The following CD9 variants were observed in gnomAD, a reference collection of about 807,000 sequenced individuals.
The protein encoded by CD9 is CD9 antigen.
CD9 carries 10 observed loss-of-function variants against 31.4 expected under a neutral mutation model. That is an observed-to-expected ratio of 0.32 (90% CI 0.20 to 0.54). CD9 has a LOEUF of 0.54. Ranked by LOEUF, CD9 falls within the 20% of genes least tolerant of loss-of-function variation. The probability of loss-of-function intolerance (pLI) is 0.94; values close to 1 mark genes in which losing one functional copy is unlikely to be tolerated. For missense variants in CD9, 259 were observed against 300.1 expected, an observed-to-expected ratio of 0.86 and a Z score of 1.01; for synonymous variants, 113 against 114.1, an observed-to-expected ratio of 0.99 and a Z score of 0.06.
At position 6,235,525 on chromosome 12, in the gene CD9, T is replaced by A. The variant is rs1946508193; in HGVS notation, c.497T>A (p.Ile166Asn). ...AGGVEQFISDICPKKDVLETF... is the reference protein window; with the variant it reads ...AGGVEQFISDNCPKKDVLETF... ...GGCGTGGAACAGTTTATCTCAGACA[T>A]CTGCCCCAAGAAGGACGTACTCGAA... is the stretch of plus-strand genomic sequence containing the variant. Residue 166 changes from isoleucine (I) to asparagine (N), a missense_variant, in exon 6 of 8, where the codon ATC becomes AAC. Transcript: ENST00000009180. 1 of 1,613,846 alleles carries A rather than the reference T, an allele frequency of 6.2e-7. No homozygotes were observed.
intron 6 of CD9, 99 bp from the exon 7 acceptor site, chr12:6,236,093 C>A: frequency 6.4e-7 from 1 of 1,552,288 alleles, no homozygotes; most frequent in Non-Finnish European, 8.7e-7. Context: ...CCACCCTCTG[C>A]CCACCAGTTC....
intron 4 of CD9, among the ~76,000 whole-genome samples, chr12:6,233,943 A>G (rs1369836728): frequency 6.7e-6 from 1 of 149,060 alleles, no homozygotes; most frequent in Middle Eastern, 3.4e-3. Context: ...TGTTTGAACT[A>G]TGGGCCCCAC....
rs986211405 is a variant in CD9, at chr12:6,232,167, C to T, written c.176-465C>T. On this transcript the variant is annotated intron_variant, in intron 2 of 7. Coordinates refer to ENST00000009180, the MANE Select transcript of CD9 (RefSeq NM_001769.4). This position sits in a 1 kb window ranked among gnomAD's most constrained non-coding sequence, Gnocchi z 4.8. The stretch of plus-strand genomic sequence containing the variant: ...GGGTAGGGGGGTGCCTAGGTGTGCA[C>T]GGCCCCTTCCTGCTGGAAATCTGCT... The T allele has an allele frequency of 8.2e-5, 16 of 193,992 alleles. No homozygotes were observed. Among genetic ancestry groups the T allele is most frequent in the African/African-American group, 3.1e-4 (13 of 41,822 alleles). The allele number at this position is 193,992 out of a possible 1,614,324, so 12.0% of individuals were successfully genotyped here. A position where few individuals can be genotyped will look rare whatever the true frequency, so the allele number is the denominator to read the frequency against.
At chr12:6,236,379 C>T in intron 7 of CD9, 104 bp downstream of exon 7, 4 of 997,302 alleles carry the variant, frequency 4.0e-6, no homozygotes, top group Non-Finnish European at 6.2e-6. Flanking sequence ...TGTCAACTCA[C>T]TTTGTCCTCG....
intron 1 of CD9, chr12:6,200,819 G>A: frequency 2.3e-6 from 1 of 426,270 alleles, no homozygotes; most frequent in African/African-American, 2.1e-5. Flanking sequence ...GCCCTCTTGA[G>A]ATGAGGCGTG....
intron 1 of CD9, among the ~76,000 whole-genome samples, chr12:6,211,092 T>G (rs896549613): frequency 6.6e-6 from 1 of 152,148 alleles, no homozygotes; most frequent in African/African-American, 2.4e-5. Context: ...CGCCTTGGCC[T>G]CCCAAAGTGC....
At chr12:6,218,616 G>A (rs1380743209) in intron 1 of CD9, among the ~76,000 whole-genome samples, 2 of 152,208 alleles carry the variant, frequency 1.3e-5, no homozygotes, top group African/African-American at 2.4e-5. Context: ...GTTACACTTT[G>A]ATGTTTTTTG....
Position 6,225,706 on chromosome 12 carries a change from G to A in CD9, c.175+172G>A, listed in dbSNP as rs558191537. 2.5e-4 allele frequency: 150 copies of A among 590,356 alleles called. No homozygotes were observed. The African/African-American group carries it at 2.7e-3, about 11-fold the overall frequency. The allele number at this position is 590,356 out of a possible 1,614,324, so 36.6% of individuals were successfully genotyped here. On this transcript the variant is annotated intron_variant, in intron 2 of 7. Transcript: ENST00000009180. Reference sequence around the variant, plus strand: ...GTGCAGTTTTTGTGTGTGTCGTTGTGCCTGGGAATTTGCGTTTAACTGATG... The same window carrying A: ...GTGCAGTTTTTGTGTGTGTCGTTGTACCTGGGAATTTGCGTTTAACTGATG...
Position 6,232,651 on chromosome 12 carries a change from A to G in CD9, c.195A>G (p.Gly65=). Residue 65 remains glycine (G), a synonymous_variant, in exon 3 of 8, where the codon GGA becomes GGG. Coordinates refer to ENST00000009180, the MANE Select transcript of CD9 (RefSeq NM_001769.4). This position sits in a 1 kb window ranked among gnomAD's most constrained non-coding sequence, Gnocchi z 4.8. The stretch of plus-strand genomic sequence containing the variant: ...CCGCAGGAGTCTATATTCTGATCGG[A>G]GCCGGCGCCCTCATGATGCTGGTGG... The part of the protein sequence containing the change: ...SFYTGVYILI[G]AGALMMLVGF... 6.3e-7 allele frequency: 1 copy of G among 1,578,110 alleles called. No homozygotes were observed. The highest frequency in any genetic ancestry group is 8.6e-7 in the Non-Finnish European group (1 of 1,164,230).
intron 2 of CD9, among the ~76,000 whole-genome samples, chr12:6,228,134 C>G (rs1272901215): frequency 3.3e-5 from 5 of 152,238 alleles, no homozygotes; most frequent in Non-Finnish European, 7.3e-5. Context: ...AATACAGATC[C>G]TTTGCAGCGA....
chr12:6,224,294 C>G (rs1946333919), intron 1 of CD9, among the ~76,000 whole-genome samples: 1 of 152,228 alleles, frequency 6.6e-6, no homozygotes, highest in Non-Finnish European at 1.5e-5. Flanking sequence ...GAATATGAAG[C>G]TAGACTCTGC....
chr12:6,211,598 T>TGGCTAGAGTGTGTC (rs1260652384), intron 1 of CD9, among the ~76,000 whole-genome samples: 2 of 152,208 alleles, frequency 1.3e-5, no homozygotes, highest in African/African-American at 4.8e-5. Context: ...CTGCTGCAAG[T>TGGCTAGAGTGTGTC]GGCTAGAGTG....
At chr12:6,221,773 T>TA (rs1385476137) in intron 1 of CD9, among the ~76,000 whole-genome samples, 1 of 134,410 alleles carries the variant, frequency 7.4e-6, no homozygotes, top group African/African-American at 2.9e-5. Context: ...GCCAGGAATT[T>TA]AAGACCAGCC....
chr12:6,201,511 G>C (rs1946077150), intron 1 of CD9, among the ~76,000 whole-genome samples: 1 of 152,236 alleles, frequency 6.6e-6, no homozygotes, highest in South Asian at 2.1e-4. Context: ...AGAGGCCAGC[G>C]GGGCCAGGAG....
intron 1 of CD9, among the ~76,000 whole-genome samples, chr12:6,207,970 A>G (rs1042195646): frequency 6.6e-6 from 1 of 152,184 alleles, no homozygotes; most frequent in African/African-American, 2.4e-5. Context: ...CACGCCTATA[A>G]TCCCAGCATT....
chr12:6,225,475 C>T lies in CD9; in HGVS notation c.116C>T (p.Ser39Phe). The T allele has an allele frequency of 6.2e-7, 1 of 1,613,964 alleles. No homozygotes were observed. The highest frequency in any genetic ancestry group is 8.5e-7 in the Non-Finnish European group (1 of 1,179,838). ...LAIGLWLRFD[S>F]QTKSIFEQET... is the part of the protein sequence containing the mutation. ...ATTGGACTATGGCTCCGATTCGACT[C>T]TCAGACCAAGAGCATCTTCGAGCAA... Residue 39 changes from serine to phenylalanine, a missense_variant, in exon 2 of 8, where the codon TCT becomes TTT. Coordinates refer to ENST00000009180, the MANE Select transcript of CD9 (RefSeq NM_001769.4).
At chr12:6,236,298 A>C (rs1591982839) in intron 7 of CD9, 23 bp downstream of exon 7, 1 of 1,606,902 alleles carries the variant, frequency 6.2e-7, no homozygotes, top group Non-Finnish European at 8.5e-7. Context: ...ACGTCGTCCC[A>C]GGAGGGGGAC....
chr12:6,213,793 G>A (rs186449740), intron 1 of CD9, among the ~76,000 whole-genome samples: 5 of 152,264 alleles, frequency 3.3e-5, no homozygotes, highest in East Asian at 1.9e-4. Flanking sequence ...CCTCAATGGC[G>A]GGAGAGAACA....
At chr12:6,218,023 G>A (rs988983067) in intron 1 of CD9, among the ~76,000 whole-genome samples, 1 of 152,062 alleles carries the variant, frequency 6.6e-6, no homozygotes, top group Non-Finnish European at 1.5e-5. Context: ...CCAGGAGTTC[G>A]AGACCAGCCT....
Sources: gnomAD v4.1 joint callset for allele counts (sites outside exome capture counted in the v4.1 genomes callset) on GRCh38, gnomAD v4.1.1 for gene constraint, Gnocchi (gnomAD v3.1) non-coding constraint, MANE v1.5 for transcripts, NCBI Gene and HGNC (gene_info 2026-07-23, HGNC 2026-07-21) for gene names.